Variants in ASPM observed in about 807,000 individuals in gnomAD.
The protein encoded by ASPM is assembly factor for spindle microtubules.
A neutral mutation model predicts 366.4 loss-of-function variants in ASPM; 256 were observed. The ratio of observed to expected loss-of-function variants is 0.70; its 90% CI spans 0.63 to 0.77. The LOEUF is 0.77. Among genes scored for constraint, ASPM ranks in the 30% least tolerant of loss-of-function variants. The pLI, the probability that ASPM is intolerant of heterozygous loss-of-function variation, is 0.00. For missense variants in ASPM, 4,146 were observed against 4,090.4 expected, an observed-to-expected ratio of 1.01 and a Z score of -0.37; for synonymous variants, 1,414 against 1,342.9, an observed-to-expected ratio of 1.05 and a Z score of -1.16.
chr1:197,132,080 T>C (rs1034869652), intron 7 of ASPM, among the ~76,000 whole-genome samples: 2 of 151,814 alleles, frequency 1.3e-5, no homozygotes, highest in Non-Finnish European at 2.9e-5. Context: ...TATTACAATA[T>C]GGTGTAATAA....
chr1:197,122,601 T>G lies in ASPM; in HGVS notation c.3391-6A>C. The G allele has an allele frequency of 6.3e-7, 1 of 1,594,600 alleles. No individual in the cohort carries two copies. Among genetic ancestry groups the G allele is most frequent in the Non-Finnish European group, 8.6e-7 (1 of 1,168,714 alleles). On this transcript the variant is annotated splice_region_variant and splice_polypyrimidine_tract_variant and intron_variant, in intron 13 of 27. Transcript: ENST00000367409. ...GACACTGTAAAATTCTCCACCTGAT[T>G]GAAAATGCCAGAAAAACAATTAACC...
intron 7 of ASPM, among the ~76,000 whole-genome samples, chr1:197,130,638 T>C (rs989311548): frequency 2.6e-5 from 4 of 152,172 alleles, no homozygotes; most frequent in African/African-American, 4.8e-5. Context: ...GATTAAAGCA[T>C]GGAAAAGTAT....
In ASPM at chr1:197,101,559, G is replaced by A. The variant is rs745697971; in HGVS notation, c.7692C>T (p.Tyr2564=). 5 of 1,609,440 alleles carry A rather than the reference G, an allele frequency of 3.1e-6. No homozygotes were observed. Among genetic ancestry groups the A allele is most frequent in the Non-Finnish European group, 3.4e-6 (4 of 1,178,980 alleles). The stretch of plus-strand genomic sequence containing the variant: ...AGAAACAATACTGCCTATACATTCT[G>A]TAGGTGCTTTGTATTACGATAGAAG... ...HKASIVIQST[Y]RMYRQYCFYQ... is the part of the protein sequence containing the mutation. Residue 2564 remains tyrosine, a synonymous_variant, in exon 18 of 28, where the codon TAC becomes TAT. Transcript: ENST00000367409.
At position 197,142,835 on chromosome 1, in the gene ASPM, A is replaced by G; in HGVS notation, c.1417T>C (p.Ser473Pro). The G allele has an allele frequency of 6.2e-7, 1 of 1,613,494 alleles. No individual in the cohort carries two copies. The highest frequency in any genetic ancestry group is 8.5e-7 in the Non-Finnish European group (1 of 1,179,486). The stretch of plus-strand genomic sequence containing the variant: ...TGACTAGAAATATCCTGAACTGCAG[A>G]AAATTTAGGATTATTTTGTTTTATA... ...SFIKQNNPKF[S>P]AVQDISSHSH... The change falls in exon 3 of 28, where the codon TCT (serine) becomes CCT (proline). Residue 473 changes from serine to proline, a missense_variant. Ser to Pro is a moderately conservative substitution (Grantham distance 74). Coordinates refer to ENST00000367409, the MANE Select transcript of ASPM (RefSeq NM_018136.5).
intron 13 of ASPM, 100 bp downstream of exon 13, chr1:197,124,010 C>T: frequency 1.9e-6 from 2 of 1,042,702 alleles, no homozygotes; most frequent in Non-Finnish European, 2.8e-6. Flanking sequence ...CACAGATGAA[C>T]TAAGAAATTC....
chr1:197,122,641 G>T, intron 13 of ASPM, 46 bp from the exon 14 acceptor site: 1 of 1,488,794 alleles, frequency 6.7e-7, no homozygotes, highest in Non-Finnish European at 9.2e-7. Flanking sequence ...TTAGAAAGTA[G>T]TATAGACATA....
intron 16 of ASPM, among the ~76,000 whole-genome samples, chr1:197,118,736 C>A (rs1044028655): frequency 3.3e-5 from 5 of 152,114 alleles, no homozygotes; most frequent in Admixed American, 2.0e-4. Flanking sequence ...CTTACGATCA[C>A]TAGAAAACTG....
Position 197,102,708 on chromosome 1 carries a change from T to C in ASPM, c.6543A>G (p.Arg2181=), listed in dbSNP as rs377516797. 5.6e-6 allele frequency: 9 copies of C among 1,612,794 alleles called. No individual in the cohort carries two copies. The highest frequency in any genetic ancestry group is 6.8e-6 in the Non-Finnish European group (8 of 1,179,302). The part of the protein sequence containing the change: ...KVLQASFRGV[R]VRRTLRKMQT... ...GCATCTTTCTAAGAGTCCGTCTAAC[T>C]CTTACTCCTCTAAAACTTGCCTGAA... Residue 2181 remains arginine (R), a synonymous_variant, in exon 18 of 28, where the codon AGA becomes AGG. Coordinates refer to ENST00000367409, the MANE Select transcript of ASPM (RefSeq NM_018136.5).
chr1:197,106,377 C>T (rs146735923), intron 17 of ASPM, among the ~76,000 whole-genome samples: 146 of 152,086 alleles, frequency 9.6e-4, no homozygotes, highest in African/African-American at 3.4e-3. Flanking sequence ...AAACAATAAA[C>T]TCTACATAAA....
chr1:197,103,999 T>C lies in ASPM; in HGVS notation c.5252A>G (p.Gln1751Arg), dbSNP rs752671920. The change falls in exon 18 of 28, where the codon CAA (glutamine) becomes CGA (arginine). Residue 1751 changes from glutamine to arginine, a missense_variant. Gln to Arg is a conservative substitution (Grantham distance 43, BLOSUM62 1). Coordinates refer to ENST00000367409, the MANE Select transcript of ASPM (RefSeq NM_018136.5). ...GYLVRKQMRL[Q>R]RKAVISLQSY... ...CTGTAGTGAAATAACAGCTTTTCTT[T>C]GTAACCTCATCTGCTTTCGGACAAG... The C allele has an allele frequency of 8.7e-6, 14 of 1,612,570 alleles. No homozygotes were observed. The highest frequency in any genetic ancestry group is 3.3e-5 in the Admixed American group (2 of 59,864).
At chr1:197,091,806 T>A in intron 22 of ASPM, 101 bp downstream of exon 22, 1 of 1,252,726 alleles carries the variant, frequency 8.0e-7, no homozygotes, top group South Asian at 1.3e-5. Context: ...CTAAATGTTG[T>A]ACGACCTTAG....
rs200309104 is a variant in ASPM at position 197,142,071 on chromosome 1, TAGG to T, written c.1921+257_1921+259del. Among the ~76,000 whole-genome samples the T allele has an allele frequency of 6.6e-3, 1,000 of 152,292 alleles. 8 individuals are homozygous for T. Among genetic ancestry groups the T allele is most frequent in the African/African-American group, 0.022 (934 of 41,568 alleles). ...AATTCATCTTTTATTGTACATCTTG[TAGG>T]AGATTAAAATAGGTATGTTCCTTAC... On this transcript the variant is annotated intron_variant, in intron 3 of 27. Transcript: ENST00000367409.
At chr1:197,105,241 C>A in intron 17 of ASPM, 56 bp from the exon 18 acceptor site, 1 of 1,352,192 alleles carries the variant, frequency 7.4e-7, no homozygotes, top group Non-Finnish European at 1.0e-6. Context: ...CTATATTTAA[C>A]ACTTTTCAAA....
At chr1:197,099,225 ATT>A (rs751965402) in intron 18 of ASPM, among the ~76,000 whole-genome samples, 10 of 140,454 alleles carry the variant, frequency 7.1e-5, no homozygotes, top group Non-Finnish European at 7.8e-5. Flanking sequence ...TGCCAGAGTA[ATT>A]TTTTTTTTTT....
chr1:197,139,626 T>A (rs1166391712), intron 4 of ASPM, 141 bp downstream of exon 4: 1 of 750,530 alleles, frequency 1.3e-6, no homozygotes, highest in African/African-American at 1.7e-5. Context: ...TGACACAATA[T>A]CCTGTCATTT....
At position 197,132,078 on chromosome 1, in the gene ASPM, TATGGTGTAATA is replaced by T. The variant is rs540574790; in HGVS notation, c.2487+196_2487+206del. On this transcript the variant is annotated intron_variant, in intron 7 of 27. Transcript: ENST00000367409. ...TGTACAGTAAAATGTTGTATTACAA[TATGGTGTAATA>T]ATATATAATGGCATAGTCTATTTAC... is the stretch of plus-strand genomic sequence containing the variant. 1.3e-3 allele frequency among the ~76,000 whole-genome samples: 201 copies of T among 152,308 alleles called. 2 individuals are homozygous for T. Among genetic ancestry groups the T allele is most frequent in the Non-Finnish European group, 1.3e-3 (90 of 68,016 alleles).
chr1:197,124,778 TG>T, intron 12 of ASPM, 91 bp downstream of exon 12: 3 of 1,018,102 alleles, frequency 2.9e-6, no homozygotes, highest in Non-Finnish European at 4.7e-6. Flanking sequence ...AAATGATGGT[TG>T]TTGTTGTTAT....
At chr1:197,100,314 G>C in intron 18 of ASPM, 117 bp downstream of exon 18, 1 of 724,154 alleles carries the variant, frequency 1.4e-6, no homozygotes, top group Non-Finnish European at 2.2e-6. Context: ...AAGATAAATG[G>C]TCACCTCAAC....
chr1:197,128,665 C>A lies in ASPM; in HGVS notation c.2761G>T (p.Ala921Ser), dbSNP rs765798033. The change falls in exon 10 of 28, where the codon GCT becomes TCT. Residue 921 changes from alanine to serine, a missense_variant and splice_region_variant. Ala to Ser is a moderately conservative substitution (Grantham distance 99). Coordinates refer to ENST00000367409, the MANE Select transcript of ASPM (RefSeq NM_018136.5). ...CLFCKDAEFKASKEILLAFSR... is the reference protein window; with the variant it reads ...CLFCKDAEFKSSKEILLAFSR... ...AAAGCCAAAAGGATTTCTTTACTAG[C>A]CTATAAAGAAATAAGTTCCAGATAT... is the stretch of plus-strand genomic sequence containing the variant. The A allele has an allele frequency of 2.5e-5, 40 of 1,605,778 alleles. No homozygotes were observed. The highest frequency in any genetic ancestry group is 3.2e-5 in the Non-Finnish European group (38 of 1,173,916).
Sources: allele counts gnomAD v4.1 joint callset (sites outside exome capture counted in the v4.1 genomes callset), GRCh38; gene constraint gnomAD v4.1.1; transcripts MANE v1.5; gene names NCBI Gene and HGNC (gene_info 2026-07-23, HGNC 2026-07-21).